The following UTRN variants were observed in gnomAD, a reference collection of about 807,000 sequenced individuals.
UTRN encodes utrophin.
In UTRN, 283 loss-of-function variants were observed where a neutral mutation model predicts 463.9. The ratio of observed to expected loss-of-function variants is 0.61; its 90% CI spans 0.55 to 0.67. The LOEUF (loss-of-function observed/expected upper bound fraction) is 0.67, where lower values mean the gene tolerates loss of function less well. Among genes scored for constraint, UTRN ranks in the 30% least tolerant of loss-of-function variants. The pLI is 0.00. For synonymous variants in UTRN, 1,442 were observed against 1,431.5 expected (o/e 1.01, Z -0.17); for missense variants, 3,922 against 4,084.3 (o/e 0.96, Z 1.08).
intron 55 of UTRN, among the ~76,000 whole-genome samples, chr6:144,750,350 T>C (rs1791255345): frequency 6.6e-6 from 1 of 152,182 alleles, no homozygotes; most frequent in Non-Finnish European, 1.5e-5. Flanking sequence ...CTATCTCAAC[T>C]CTTCTTCTCC....
chr6:144,519,681 C>T (rs181202777), intron 39 of UTRN, among the ~76,000 whole-genome samples: 7 of 152,252 alleles, frequency 4.6e-5, no homozygotes, highest in South Asian at 2.1e-4. Context: ...AAGTCTTGAA[C>T]GGCCTTGCTG....
chr6:144,632,449 T>G (rs1562679921), intron 51 of UTRN, among the ~76,000 whole-genome samples: 1 of 152,184 alleles, frequency 6.6e-6, no homozygotes, highest in Non-Finnish European at 1.5e-5. Flanking sequence ...GCAGTTTTTT[T>G]TCTACTTTTT....
chr6:144,607,634 T>C (rs1224152778), intron 51 of UTRN, among the ~76,000 whole-genome samples: 1 of 152,218 alleles, frequency 6.6e-6, no homozygotes, highest in African/African-American at 2.4e-5. Flanking sequence ...CCTGGTGGGC[T>C]TGTACACTAG....
intron 53 of UTRN, among the ~76,000 whole-genome samples, chr6:144,713,055 A>G (rs1306730441): frequency 6.6e-6 from 1 of 152,180 alleles, no homozygotes; most frequent in African/African-American, 2.4e-5. Flanking sequence ...CCTTAGTGAA[A>G]TATTTGGGAC....
At chr6:144,548,525 T>G in intron 46 of UTRN, 115 bp from the exon 47 acceptor site, 1 of 960,476 alleles carries the variant, frequency 1.0e-6, no homozygotes, top group South Asian at 1.8e-5. Flanking sequence ...CCTCTTAGAA[T>G]TTTTTTTACT....
intron 52 of UTRN, among the ~76,000 whole-genome samples, chr6:144,697,922 G>A (rs1004512370): frequency 6.6e-6 from 1 of 152,176 alleles, no homozygotes; most frequent in Non-Finnish European, 1.5e-5. Context: ...ATTGATTATT[G>A]AGTTAAACTA....
chr6:144,752,501 C>T (rs375502255), intron 56 of UTRN, among the ~76,000 whole-genome samples: 11 of 152,116 alleles, frequency 7.2e-5, no homozygotes, highest in African/African-American at 2.2e-4. Flanking sequence ...CACATAAAAA[C>T]ATTTGAGAGA....
chr6:144,461,217 C>CA lies in UTRN; in HGVS notation c.2729dup (p.His910GlnfsTer16). 6.3e-7 allele frequency: 1 copy of CA among 1,591,848 alleles called. No homozygotes were observed. The highest frequency in any genetic ancestry group is 8.6e-7 in the Non-Finnish European group (1 of 1,169,040). On this transcript the variant is annotated frameshift_variant, in exon 22 of 75. Transcript: ENST00000367545. LOFTEE classifies it high-confidence loss of function. Reference sequence around the variant, plus strand: ...AACAGAACTGAAGGGCCAACCTGGACATGCATATCTGGAAACATTGAAAAC... The same window carrying CA: ...AACAGAACTGAAGGGCCAACCTGGACAATGCATATCTGGAAACATTGAAAAC...
At chr6:144,573,413 G>T (rs1801139281) in intron 50 of UTRN, among the ~76,000 whole-genome samples, 1 of 151,844 alleles carries the variant, frequency 6.6e-6, no homozygotes, top group Admixed American at 6.6e-5. Context: ...ACAAAAATTT[G>T]CTGGGTGTGG....
chr6:144,551,976 A>G (rs564967097), intron 48 of UTRN, among the ~76,000 whole-genome samples: 1 of 151,972 alleles, frequency 6.6e-6, no homozygotes. Flanking sequence ...TTCTATTTTT[A>G]GTTCCTTCTA....
Position 144,344,177 on chromosome 6 carries a change from A to G in UTRN, c.79+52270A>G, listed in dbSNP as rs1005705898. The G allele has an allele frequency of 6.2e-5, 81 of 1,301,792 alleles. No homozygotes were observed. In the African/African-American group the frequency reaches 1.1e-3, roughly 18 times the overall value. The allele number at this position is 1,301,792 out of a possible 1,614,324, so 80.6% of individuals were successfully genotyped here. ...TGCTTTTGTTGTCCACTTCCTCCAC[A>G]TCTTTTTCCTCATCATCTAAGCAGA... is the stretch of plus-strand genomic sequence containing the variant. On this transcript the variant is annotated intron_variant, in intron 2 of 74. Transcript: ENST00000367545.
intron 25 of UTRN, among the ~76,000 whole-genome samples, 167 bp from the exon 26 acceptor site, chr6:144,479,645 C>G (rs528748210): frequency 1.3e-5 from 2 of 152,252 alleles, no homozygotes; most frequent in East Asian, 3.9e-4. Context: ...TTCATTACTG[C>G]TTATATTCCA....
intron 23 of UTRN, among the ~76,000 whole-genome samples, chr6:144,471,548 T>C (rs1375976879): frequency 6.6e-6 from 1 of 152,234 alleles, no homozygotes; most frequent in Non-Finnish European, 1.5e-5. Context: ...GTATTCACAC[T>C]TTCTCTCTTT....
chr6:144,359,313 G>GAT (rs1778836536), intron 2 of UTRN, among the ~76,000 whole-genome samples: 1 of 152,196 alleles, frequency 6.6e-6, no homozygotes, highest in African/African-American at 2.4e-5. Context: ...TCTTGCAGGG[G>GAT]CAAAACCACT....
At chr6:144,315,358 C>G (rs1359620691) in intron 2 of UTRN, among the ~76,000 whole-genome samples, 3 of 152,072 alleles carry the variant, frequency 2.0e-5, no homozygotes, top group Admixed American at 2.0e-4. Flanking sequence ...TGTTCCAGGA[C>G]CCAGTGGCAG....
At chr6:144,629,196 G>A (rs192147797) in intron 51 of UTRN, among the ~76,000 whole-genome samples, 1 of 151,702 alleles carries the variant, frequency 6.6e-6, no homozygotes, top group East Asian at 1.9e-4. Flanking sequence ...TTGCTTATTT[G>A]CTCTTACTTA....
intron 51 of UTRN, among the ~76,000 whole-genome samples, chr6:144,640,358 T>A (rs541008595): frequency 6.6e-6 from 1 of 152,282 alleles, no homozygotes; most frequent in Admixed American, 6.5e-5. Flanking sequence ...ACCGCCAAAG[T>A]CCAGTCCCAA....
chr6:144,429,389 C>T (rs1335446923), intron 8 of UTRN, among the ~76,000 whole-genome samples, 192 bp from the exon 9 acceptor site: 1 of 152,076 alleles, frequency 6.6e-6, no homozygotes, highest in Non-Finnish European at 1.5e-5. Context: ...AAATGAGATA[C>T]TGAACAAAAA....
At position 144,839,560 on chromosome 6, in the gene UTRN, A is replaced by G. The variant is rs538835340; in HGVS notation, c.10177+276A>G. On this transcript the variant is annotated intron_variant, in intron 72 of 74. Coordinates refer to ENST00000367545, the MANE Select transcript of UTRN (RefSeq NM_007124.3). ...TGCCCTTTAGAATGAGCAAGAAATT[A>G]AATTATTTGCTTATGAATGATTTTT... 8.5e-4 allele frequency among the ~76,000 whole-genome samples: 129 copies of G among 152,334 alleles called. 1 individual carries two copies. Among genetic ancestry groups the G allele is most frequent in the African/African-American group, 3.0e-3 (124 of 41,568 alleles).
Sources: allele counts gnomAD v4.1 joint callset (sites outside exome capture counted in the v4.1 genomes callset), GRCh38; gene constraint gnomAD v4.1.1; transcripts MANE v1.5; gene names NCBI Gene and HGNC (gene_info 2026-07-23, HGNC 2026-07-21).